Variants in RPTOR observed in about 807,000 individuals in gnomAD.
The protein encoded by RPTOR is regulatory-associated protein of mTOR.
Under a neutral mutation model 169.9 loss-of-function variants are expected in RPTOR, and 21 were observed. That is an observed-to-expected ratio of 0.12 (90% CI 0.09 to 0.18). RPTOR has a LOEUF of 0.18. RPTOR is among the 10% of genes least tolerant of loss of function. The pLI, the probability that RPTOR is intolerant of heterozygous loss-of-function variation, is 1.00. For synonymous variants in RPTOR, 732 were observed against 753.2 expected (o/e 0.97, Z 0.46); for missense variants, 1,133 against 1,855.9 (o/e 0.61, Z 7.16).
At chr17:80,894,458 T>A (rs1274828613) in intron 20 of RPTOR, among the ~76,000 whole-genome samples, 1 of 152,232 alleles carries the variant, frequency 6.6e-6, no homozygotes, top group Admixed American at 6.5e-5. Context: ...CAGCACTGCC[T>A]GGAAATGGAA....
At chr17:80,678,213 C>T (rs1263340912) in intron 3 of RPTOR, among the ~76,000 whole-genome samples, 1 of 152,114 alleles carries the variant, frequency 6.6e-6, no homozygotes, top group African/African-American at 2.4e-5. Flanking sequence ...AAGTTTGCAG[C>T]AGAAAAAGAC....
At chr17:80,883,386 G>C in intron 14 of RPTOR, 33 bp from the exon 15 acceptor site, 1 of 1,605,196 alleles carries the variant, frequency 6.2e-7, no homozygotes, top group Non-Finnish European at 8.5e-7. Flanking sequence ...TTCCACTGAG[G>C]GGAGACGACC....
At chr17:80,653,954 C>T (rs991760052) in intron 3 of RPTOR, among the ~76,000 whole-genome samples, 8 of 152,200 alleles carry the variant, frequency 5.3e-5, no homozygotes, top group Non-Finnish European at 1.0e-4. Context: ...AGATTAAATT[C>T]CCCCCACAAG....
chr17:80,825,137 G>T (rs2067425773), intron 9 of RPTOR, among the ~76,000 whole-genome samples: 1 of 150,060 alleles, frequency 6.7e-6, no homozygotes, highest in South Asian at 2.1e-4. Context: ...TCTCTCTAGA[G>T]GCCACGTGGC....
At chr17:80,566,748 C>T (rs1215082213) in intron 1 of RPTOR, among the ~76,000 whole-genome samples, 5 of 140,480 alleles carry the variant, frequency 3.6e-5, no homozygotes, top group Admixed American at 7.8e-5. Context: ...GGCGTGAACC[C>T]GGGAGGCGGA....
rs146712200 is a variant in RPTOR, at chr17:80,613,458, C to T, written c.163-12233C>T. 5.3e-5 allele frequency among the ~76,000 whole-genome samples: 8 copies of T among 152,352 alleles called. No homozygotes were observed. The South Asian group carries it at 1.7e-3, about 32-fold the overall frequency. ...AATGAAGACGTTCAAAGTGAACATT[C>T]AGAATCTCTGTCTCTTCATACTTCT... On this transcript the variant is annotated intron_variant, in intron 1 of 33. Coordinates refer to ENST00000306801, the MANE Select transcript of RPTOR (RefSeq NM_020761.3).
chr17:80,902,670 G>C (rs9909086), intron 20 of RPTOR, among the ~76,000 whole-genome samples: 5,004 of 152,348 alleles, frequency 0.033, 182 homozygotes, highest in African/African-American at 0.086. Context: ...GATGGCTGGA[G>C]ACGGTCTGTG....
At chr17:80,664,828 G>T (rs374537029) in intron 3 of RPTOR, among the ~76,000 whole-genome samples, 3 of 152,188 alleles carry the variant, frequency 2.0e-5, no homozygotes, top group African/African-American at 7.2e-5. Flanking sequence ...TTCAGAAGGA[G>T]TTGGATTTTT....
chr17:80,957,798 C>T lies in RPTOR; in HGVS notation c.3477+68C>T. ...GTGTGTGCAGGGCTGGTCCTCGTCA[C>T]AGAACCCAGCAAAGTGTGCGGTGAG... On this transcript the variant is annotated intron_variant, in intron 29 of 33. Transcript: ENST00000306801. The surrounding 1 kb of genome is among the most constrained non-coding windows in gnomAD (Gnocchi z 4.6). 1 of 1,424,566 alleles carries T rather than the reference C, an allele frequency of 7.0e-7. No homozygotes were observed. The highest frequency in any genetic ancestry group is 1.4e-5 in the African/African-American group (1 of 71,376). 88.2% of individuals were successfully genotyped at this position (1,424,566 alleles called of 1,614,324 possible).
At chr17:80,807,202 T>C (rs2067226810) in intron 7 of RPTOR, among the ~76,000 whole-genome samples, 1 of 152,252 alleles carries the variant, frequency 6.6e-6, no homozygotes, top group Non-Finnish European at 1.5e-5. Flanking sequence ...TGTTTTAAAA[T>C]AGAGACAGAA....
At chr17:80,934,505 T>G (rs1285012489) in intron 24 of RPTOR, among the ~76,000 whole-genome samples, 1 of 152,124 alleles carries the variant, frequency 6.6e-6, no homozygotes, top group Non-Finnish European at 1.5e-5. Context: ...ACTACAGGCA[T>G]GCACCACCAG....
chr17:80,810,626 C>T (rs1469642005), intron 7 of RPTOR, among the ~76,000 whole-genome samples: 2 of 152,156 alleles, frequency 1.3e-5, no homozygotes, highest in African/African-American at 4.8e-5. Context: ...TAGATCCTTG[C>T]ATTTCATATG....
intron 13 of RPTOR, among the ~76,000 whole-genome samples, chr17:80,864,272 A>G (rs1039105290): frequency 2.2e-5 from 3 of 137,494 alleles, no homozygotes; most frequent in South Asian, 2.4e-4. Context: ...AAAGGTGAGA[A>G]TGACGGCAGG....
chr17:80,603,367 C>T (rs954454795), intron 1 of RPTOR, among the ~76,000 whole-genome samples: 9 of 152,190 alleles, frequency 5.9e-5, no homozygotes, highest in Non-Finnish European at 1.0e-4. Flanking sequence ...GTACTAAGTG[C>T]GAACACGCAT....
At chr17:80,634,438 G>GTA (rs2065476504) in intron 2 of RPTOR, among the ~76,000 whole-genome samples, 1 of 146,496 alleles carries the variant, frequency 6.8e-6, no homozygotes, top group South Asian at 2.2e-4. Context: ...TGTGCATACT[G>GTA]TGTGCATACT....
intron 1 of RPTOR, among the ~76,000 whole-genome samples, chr17:80,571,341 T>C (rs910028252): frequency 6.6e-6 from 1 of 152,220 alleles, no homozygotes; most frequent in African/African-American, 2.4e-5. Context: ...AAGTAAAGAA[T>C]ACAGAAAACA....
At chr17:80,885,351 C>G (rs2068233579) in intron 17 of RPTOR, among the ~76,000 whole-genome samples, 1 of 152,252 alleles carries the variant, frequency 6.6e-6, no homozygotes, top group Non-Finnish European at 1.5e-5. Flanking sequence ...CATTTAAAGG[C>G]ATCTAGCAGG....
At chr17:80,911,698 T>G (rs1350396135) in intron 21 of RPTOR, among the ~76,000 whole-genome samples, 2 of 152,138 alleles carry the variant, frequency 1.3e-5, no homozygotes, top group South Asian at 2.1e-4. Flanking sequence ...GGCTGGAAGA[T>G]CCCTTGAGCC....
chr17:80,822,138 TCTCTTCCATTCCCTG>T, intron 7 of RPTOR, 48 bp from the exon 8 acceptor site: 1 of 1,519,902 alleles, frequency 6.6e-7, no homozygotes, highest in Non-Finnish European at 9.1e-7. Flanking sequence ...TCTTGCAACC[TCTCTTCCATTCCCTG>T]CTCTCAGAGC....
Sources: gnomAD v4.1 joint callset for allele counts (sites outside exome capture counted in the v4.1 genomes callset) on GRCh38, gnomAD v4.1.1 for gene constraint, Gnocchi (gnomAD v3.1) non-coding constraint, MANE v1.5 for transcripts, NCBI Gene and HGNC (gene_info 2026-07-23, HGNC 2026-07-21) for gene names.